Variants in MLIP observed in about 807,000 individuals in gnomAD.
MLIP encodes muscular LMNA-interacting protein.
MLIP carries 79 observed loss-of-function variants against 84.8 expected under a neutral mutation model. The observed-to-expected ratio is 0.93, with a 90% CI of 0.78 to 1.12. The LOEUF is 1.12. Among genes scored for constraint, MLIP ranks in the 50% most tolerant of loss-of-function variants. The probability of loss-of-function intolerance (pLI) is 0.00; values close to 1 mark genes in which losing one functional copy is unlikely to be tolerated. For synonymous variants in MLIP, 504 were observed against 463.0 expected (o/e 1.09, Z -1.14); for missense variants, 1,257 against 1,160.6 (o/e 1.08, Z -1.21).
intron 3 of MLIP, among the ~76,000 whole-genome samples, chr6:54,128,930 T>A (rs1409902196): frequency 6.6e-6 from 1 of 152,068 alleles, no homozygotes; most frequent in Non-Finnish European, 1.5e-5. Context: ...AGCATTGTTT[T>A]TTTTTGGAGG....
At chr6:54,167,276 G>A (rs2150582696) in intron 8 of MLIP, among the ~76,000 whole-genome samples, 2 of 151,848 alleles carry the variant, frequency 1.3e-5, no homozygotes, top group South Asian at 4.1e-4. Context: ...GGTCCTGTAT[G>A]GTCTGGTGCC....
At chr6:54,071,599 A>G (rs1476906861) in intron 1 of MLIP, among the ~76,000 whole-genome samples, 1 of 152,214 alleles carries the variant, frequency 6.6e-6, no homozygotes, top group Non-Finnish European at 1.5e-5. Context: ...AAAAATATAA[A>G]TGACTTTTAA....
intron 1 of MLIP, among the ~76,000 whole-genome samples, chr6:54,039,599 C>T (rs908705654): frequency 1.3e-5 from 2 of 151,828 alleles, no homozygotes; most frequent in Admixed American, 6.6e-5. Context: ...GAGCTAGCCT[C>T]ATGTGTAAAA....
chr6:54,041,512 G>T (rs1382496936), intron 1 of MLIP, among the ~76,000 whole-genome samples: 1 of 151,902 alleles, frequency 6.6e-6, no homozygotes. Context: ...GTTTTTCCAG[G>T]GTGGCCAAAA....
intron 4 of MLIP, among the ~76,000 whole-genome samples, chr6:54,146,342 G>C (rs1480527058): frequency 6.6e-6 from 1 of 152,168 alleles, no homozygotes. Flanking sequence ...TTTACTATGT[G>C]CTAAAAACAC....
chr6:54,151,647 G>A (rs1208437190), intron 5 of MLIP, among the ~76,000 whole-genome samples: 1 of 152,140 alleles, frequency 6.6e-6, no homozygotes, highest in African/African-American at 2.4e-5. Context: ...GCTGTGGAAT[G>A]CCTTGAAGCT....
At chr6:54,245,201 C>G (rs1781995840) in intron 12 of MLIP, among the ~76,000 whole-genome samples, 1 of 152,122 alleles carries the variant, frequency 6.6e-6, no homozygotes, top group Non-Finnish European at 1.5e-5. Context: ...AAAGCAGATC[C>G]TGAGACAGCG....
At position 54,254,726 on chromosome 6, in the gene MLIP, C is replaced by CT. The variant is rs758826428; in HGVS notation, c.2923-2573dup. 9.6e-3 allele frequency among the ~76,000 whole-genome samples: 1,153 copies of CT among 120,218 alleles called. 11 individuals are homozygous for CT. The highest frequency in any genetic ancestry group is 0.015 in the Non-Finnish European group (927 of 62,982). The allele number at this position is 120,218 out of a possible 152,430, so 78.9% of individuals were successfully genotyped here. A position where few individuals can be genotyped will look rare whatever the true frequency, so the allele number is the denominator to read the frequency against. ...GAGATCATATTTTTATTAGAATCTTCTTTTTTTTTCTCCCTCCCTTCCTTC... is the reference window on the plus strand; with the variant it reads ...GAGATCATATTTTTATTAGAATCTTCTTTTTTTTTTCTCCCTCCCTTCCTTC... On this transcript the variant is annotated intron_variant, in intron 12 of 13. Transcript: ENST00000502396.
intron 1 of MLIP, among the ~76,000 whole-genome samples, chr6:54,041,432 G>T (rs1427896641): frequency 1.3e-5 from 2 of 151,984 alleles, no homozygotes; most frequent in East Asian, 3.8e-4. Context: ...CATTTCCAGG[G>T]TAAATAACTA....
At chr6:54,087,200 T>C (rs1767552930) in intron 1 of MLIP, among the ~76,000 whole-genome samples, 1 of 152,176 alleles carries the variant, frequency 6.6e-6, no homozygotes, top group Non-Finnish European at 1.5e-5. Context: ...TCTATTCTAA[T>C]ATGGCATCAA....
chr6:54,250,464 G>A (rs1352170286), intron 12 of MLIP, among the ~76,000 whole-genome samples: 1 of 152,000 alleles, frequency 6.6e-6, no homozygotes, highest in Non-Finnish European at 1.5e-5. Context: ...TAACCCAAAT[G>A]CCCATCAATG....
chr6:54,244,676 C>T (rs1238269077), intron 12 of MLIP, among the ~76,000 whole-genome samples: 1 of 152,154 alleles, frequency 6.6e-6, no homozygotes, highest in Non-Finnish European at 1.5e-5. Flanking sequence ...GGGCATGCTT[C>T]TGTTTATCTA....
intron 1 of MLIP, among the ~76,000 whole-genome samples, chr6:54,114,465 T>G (rs1769737677): frequency 6.6e-6 from 1 of 152,224 alleles, no homozygotes; most frequent in East Asian, 1.9e-4. Context: ...CTACCCATCT[T>G]GATTTTTGTG....
chr6:54,202,089 T>C lies in MLIP; in HGVS notation c.2590-16T>C. ...TTTTTTCCTGTTTTTAAAATATTTATTTTACATTCATGAAGACTAAGCCTG... is the reference window on the plus strand; with the variant it reads ...TTTTTTCCTGTTTTTAAAATATTTACTTTACATTCATGAAGACTAAGCCTG... On this transcript the variant is annotated splice_polypyrimidine_tract_variant and intron_variant, in intron 10 of 13. Transcript: ENST00000502396. The C allele has an allele frequency of 6.7e-7, 1 of 1,496,396 alleles. No individual in the cohort carries two copies. The highest frequency in any genetic ancestry group is 8.9e-7 in the Non-Finnish European group (1 of 1,117,932). The allele number at this position is 1,496,396 out of a possible 1,614,324, so 92.7% of individuals were successfully genotyped here. A position where few individuals can be genotyped will look rare whatever the true frequency, so the allele number is the denominator to read the frequency against.
intron 1 of MLIP, among the ~76,000 whole-genome samples, chr6:54,033,298 G>C (rs9474706): frequency 6.8e-6 from 1 of 147,666 alleles, no homozygotes; most frequent in Non-Finnish European, 1.5e-5. Flanking sequence ...ATGGAGTCTC[G>C]CTCTGTTGCC....
rs148427797 is a variant in MLIP, at chr6:54,089,073, A to G, written c.64-32374A>G. Among the ~76,000 whole-genome samples, 561 of 152,272 alleles carry G rather than the reference A, an allele frequency of 3.7e-3. 4 individuals carry two copies. The highest frequency in any genetic ancestry group is 0.012 in the African/African-American group (493 of 41,572). ...GTGGATTTTAAAATACTTTGTTCCTATAACGACATACAACATTAGCCTCTT... is the reference window on the plus strand; with the variant it reads ...GTGGATTTTAAAATACTTTGTTCCTGTAACGACATACAACATTAGCCTCTT... On this transcript the variant is annotated intron_variant, in intron 1 of 12. Coordinates refer to the MLIP transcript ENST00000274897.
chr6:54,024,381 T>C (rs1438931028), intron 1 of MLIP, among the ~76,000 whole-genome samples: 1 of 152,236 alleles, frequency 6.6e-6, no homozygotes, highest in East Asian at 1.9e-4. Context: ...AGAAATCTGT[T>C]AATAAACAAA....
chr6:54,200,803 T>C (rs1048435075), intron 10 of MLIP, among the ~76,000 whole-genome samples: 35 of 152,256 alleles, frequency 2.3e-4, no homozygotes, highest in African/African-American at 7.7e-4. Flanking sequence ...ATCTGTATTT[T>C]CCCAGTTGTC....
intron 11 of MLIP, chr6:54,216,064 TC>T (rs764461349): frequency 4.9e-6 from 3 of 614,744 alleles, no homozygotes; most frequent in African/African-American, 2.0e-5. Flanking sequence ...TATTCATTTA[TC>T]CATCAACAGA....
Sources: gnomAD v4.1 joint callset for allele counts (sites outside exome capture counted in the v4.1 genomes callset) on GRCh38, gnomAD v4.1.1 for gene constraint, MANE v1.5 for transcripts, NCBI Gene and HGNC (gene_info 2026-07-23, HGNC 2026-07-21) for gene names.